The following ETFDH variants were observed in gnomAD, a reference collection of about 807,000 sequenced individuals.
The protein encoded by ETFDH is electron transfer flavoprotein dehydrogenase.
Under a neutral mutation model 73.2 loss-of-function variants are expected in ETFDH, and 61 were observed. The ratio of observed to expected loss-of-function variants is 0.83; its 90% confidence interval spans 0.68 to 1.03. The LOEUF is 1.03. Ranked by LOEUF, ETFDH falls within the 50% of genes least tolerant of loss-of-function variation. The pLI is 0.00. For missense variants in ETFDH, 685 were observed against 745.0 expected (o/e 0.92, Z 0.94); for synonymous variants, 243 against 253.3 (o/e 0.96, Z 0.39).
At chr4:158,707,580 G>A (rs1303448202) in intron 12 of ETFDH, among the ~76,000 whole-genome samples, 1 of 152,206 alleles carries the variant, frequency 6.6e-6, no homozygotes, top group African/African-American at 2.4e-5. Flanking sequence ...GCCCCACCCT[G>A]AATGTGAATT....
At chr4:158,686,270 A>G (rs1774002102) in intron 5 of ETFDH, among the ~76,000 whole-genome samples, 1 of 152,218 alleles carries the variant, frequency 6.6e-6, no homozygotes, top group Non-Finnish European at 1.5e-5. Context: ...CTCACCCATC[A>G]TAAGGGTCAT....
At chr4:158,690,317 T>C (rs759416117) in intron 5 of ETFDH, 31 bp from the exon 6 acceptor site, 22 of 1,132,454 alleles carry the variant, frequency 1.9e-5, no homozygotes, top group Non-Finnish European at 3.0e-5. Context: ...AATTCTAAGG[T>C]ATTAATAAAT....
chr4:158,703,638 T>C lies in ETFDH; in HGVS notation c.1285+47T>C, dbSNP rs371153571. On this transcript the variant is annotated intron_variant, in intron 10 of 12. Transcript: ENST00000511912. ...TATACAAAAGAAAATTGCTGGGTTA[T>C]GTGTATTTCAATTGACATTAAAAGA... 8.8e-5 allele frequency: 101 copies of C among 1,153,772 alleles called. No homozygotes were observed. In the Middle Eastern group the frequency reaches 2.6e-3, roughly 29 times the overall value. The allele number at this position is 1,153,772 out of a possible 1,614,324, so 71.5% of individuals were successfully genotyped here. A position where few individuals can be genotyped will look rare whatever the true frequency, so the allele number is the denominator to read the frequency against.
chr4:158,689,623 TA>T lies in ETFDH; in HGVS notation c.607-724del, dbSNP rs1561242367. On this transcript the variant is annotated intron_variant, in intron 5 of 12. Coordinates refer to ENST00000511912, the MANE Select transcript of ETFDH (RefSeq NM_004453.4). ...ATATATATATATATATATATATATA[TA>T]TATATATATATATTGTGGGGGGGTG... is the stretch of plus-strand genomic sequence containing the variant. Among the ~76,000 whole-genome samples the T allele has an allele frequency of 3.5e-3, 409 of 116,154 alleles. 16 individuals carry two copies. Among genetic ancestry groups the T allele is most frequent in the Non-Finnish European group, 5.8e-3 (314 of 54,084 alleles). 76.2% of individuals were successfully genotyped at this position (116,154 alleles called of 152,430 possible).
intron 10 of ETFDH, 83 bp downstream of exon 10, chr4:158,703,674 A>G: frequency 1.2e-6 from 1 of 840,708 alleles, no homozygotes. Context: ...TTTGTATTGC[A>G]TCTGTCACTT....
chr4:158,695,494 C>T lies in ETFDH; in HGVS notation c.685-3C>T. 1 of 1,610,606 alleles carries T rather than the reference C, an allele frequency of 6.2e-7. No individual in the cohort carries two copies. The highest frequency in any genetic ancestry group is 1.1e-5 in the South Asian group (1 of 90,600). On this transcript the variant is annotated splice_region_variant and splice_polypyrimidine_tract_variant and intron_variant, in intron 6 of 12. Coordinates refer to ENST00000511912, the MANE Select transcript of ETFDH (RefSeq NM_004453.4). ...TGCCATTTAACATGTTTTTGCTTTT[C>T]AGGCAACATTTGAGAGAGGACTGGA...
At chr4:158,701,673 T>G (rs1363109393) in intron 9 of ETFDH, among the ~76,000 whole-genome samples, 1 of 152,198 alleles carries the variant, frequency 6.6e-6, no homozygotes, top group African/African-American at 2.4e-5. Context: ...TGAGTCCCTC[T>G]TAATACCATC....
At chr4:158,680,232 A>G in intron 1 of ETFDH, 1 of 430,946 alleles carries the variant, frequency 2.3e-6, no homozygotes, top group Non-Finnish European at 4.3e-6. Flanking sequence ...TTTCATGACT[A>G]ATCCATAGTT....
In ETFDH at chr4:158,709,614, A is replaced by C; in HGVS notation, c.*1087A>C. On this transcript the variant is annotated 3_prime_UTR_variant, in exon 13 of 13. Coordinates refer to ENST00000511912, the MANE Select transcript of ETFDH (RefSeq NM_004453.4). ...ACCCCTATCAGTACTCCTAAACTGT[A>C]AACAGTAAGGAACTAAGGTGTCAAA... is the stretch of plus-strand genomic sequence containing the variant. 1 of 675,500 alleles carries C rather than the reference A, an allele frequency of 1.5e-6. No individual in the cohort carries two copies. The highest frequency in any genetic ancestry group is 2.5e-6 in the Non-Finnish European group (1 of 403,690). 41.8% of individuals were successfully genotyped at this position (675,500 alleles called of 1,614,324 possible). A position where few individuals can be genotyped will look rare whatever the true frequency, so the allele number is the denominator to read the frequency against.
At position 158,685,191 on chromosome 4, in the gene ETFDH, A is replaced by G. The variant is rs1287661192; in HGVS notation, c.578A>G (p.Glu193Gly). 3 of 1,607,718 alleles carry G rather than the reference A, an allele frequency of 1.9e-6. No individual in the cohort carries two copies. The highest frequency in any genetic ancestry group is 3.3e-5 in the Admixed American group (2 of 59,988). Residue 193 changes from glutamate (E) to glycine (G), a missense_variant, in exon 5 of 13, where the codon GAA becomes GGA. Around this residue, in one of 3 missense-constraint regions of ETFDH, gnomAD observed 405 missense variants for 399.3 expected, o/e 1.01. Transcript: ENST00000511912. Reference protein sequence around the residue: ...MGEQAEALGVEVYPGYAAAEV... With the variant: ...MGEQAEALGVGVYPGYAAAEV... ...GAACAAGCAGAAGCCCTTGGTGTTG[A>G]AGTATACCCTGGTTATGCAGCTGCT... is the stretch of plus-strand genomic sequence containing the variant.
Position 158,672,309 on chromosome 4 carries a change from G to A in ETFDH, c.-148G>A. On this transcript the variant is annotated 5_prime_UTR_variant, in exon 1 of 13. Coordinates refer to ENST00000511912, the MANE Select transcript of ETFDH (RefSeq NM_004453.4). ...GGTGGGAACGCCGTGAAGCAAGAGC[G>A]GTCGGCAGAGCGGGGAGGCGAACTG... 1.2e-6 allele frequency: 1 copy of A among 816,776 alleles called. No individual in the cohort carries two copies. The highest frequency in any genetic ancestry group is 2.1e-6 in the Non-Finnish European group (1 of 466,208). 50.6% of individuals were successfully genotyped at this position (816,776 alleles called of 1,614,324 possible).
At chr4:158,676,276 A>C (rs76829231) in intron 1 of ETFDH, among the ~76,000 whole-genome samples, 1 of 151,974 alleles carries the variant, frequency 6.6e-6, no homozygotes, top group Non-Finnish European at 1.5e-5. Flanking sequence ...AGTCAGTTCC[A>C]GGGTGGGAGC....
chr4:158,687,699 T>A (rs541093216), intron 5 of ETFDH, among the ~76,000 whole-genome samples: 9 of 152,206 alleles, frequency 5.9e-5, no homozygotes, highest in Admixed American at 1.3e-4. Flanking sequence ...TTTTGGCAAC[T>A]ACATCACACT....
intron 6 of ETFDH, among the ~76,000 whole-genome samples, chr4:158,693,189 C>A (rs1433476120): frequency 6.6e-6 from 1 of 152,180 alleles, no homozygotes; most frequent in Non-Finnish European, 1.5e-5. Flanking sequence ...TCCATTTTGC[C>A]AATCTGGTGG....
Position 158,685,193 on chromosome 4 carries a change from G to C in ETFDH, c.580G>C (p.Val194Leu). The C allele has an allele frequency of 6.2e-7, 1 of 1,606,076 alleles. No homozygotes were observed. Among genetic ancestry groups the C allele is most frequent in the Non-Finnish European group, 8.5e-7 (1 of 1,172,850 alleles). Residue 194 changes from valine to leucine, a missense_variant, in exon 5 of 13, where the codon GTA becomes CTA. Coordinates refer to ENST00000511912, the MANE Select transcript of ETFDH (RefSeq NM_004453.4). ...GEQAEALGVEVYPGYAAAEVL... is the reference protein window; with the variant it reads ...GEQAEALGVELYPGYAAAEVL... ...ACAAGCAGAAGCCCTTGGTGTTGAA[G>C]TATACCCTGGTTATGCAGCTGCTGA... is the stretch of plus-strand genomic sequence containing the variant.
At chr4:158,693,958 T>C (rs1774244606) in intron 6 of ETFDH, among the ~76,000 whole-genome samples, 1 of 152,184 alleles carries the variant, frequency 6.6e-6, no homozygotes. Flanking sequence ...TAAAGATACT[T>C]AAATATGTTT....
Position 158,685,185 on chromosome 4 carries a change from G to A in ETFDH, c.572G>A (p.Gly191Asp), listed in dbSNP as rs147219158. 696 of 1,611,076 alleles carry A rather than the reference G, an allele frequency of 4.3e-4. 4 individuals are homozygous for A. The highest frequency in any genetic ancestry group is 1.5e-3 in the Middle Eastern group (9 of 6,050). ...SWMGEQAEAL[G>D]VEVYPGYAAA... ...ATGGGCGAACAAGCAGAAGCCCTTG[G>A]TGTTGAAGTATACCCTGGTTATGCA... The change falls in exon 5 of 13, where the codon GGT becomes GAT. Residue 191 changes from glycine (G) to aspartate (D), a missense_variant. This residue lies in a region of ETFDH where 405 missense variants were observed against 399.3 expected (regional missense o/e 1.01). Coordinates refer to ENST00000511912, the MANE Select transcript of ETFDH (RefSeq NM_004453.4).
At chr4:158,690,238 T>C (rs1774127602) in intron 5 of ETFDH, 110 bp from the exon 6 acceptor site, 2 of 704,182 alleles carry the variant, frequency 2.8e-6, no homozygotes, top group Non-Finnish European at 5.2e-6. Flanking sequence ...TGTATTTCTA[T>C]AATCTAGAGA....
chr4:158,675,537 C>T (rs1386386517), intron 1 of ETFDH, among the ~76,000 whole-genome samples: 8 of 152,094 alleles, frequency 5.3e-5, no homozygotes, highest in African/African-American at 9.7e-5. Context: ...GAGGCTGAGA[C>T]GGGCATATTG....
Sources: allele counts gnomAD v4.1 joint callset (sites outside exome capture counted in the v4.1 genomes callset), GRCh38; gene constraint gnomAD v4.1.1; regional missense constraint gnomAD v4.1.1; transcripts MANE v1.5; gene names NCBI Gene and HGNC (gene_info 2026-07-23, HGNC 2026-07-21).